Variants in NLRP7 observed in about 807,000 individuals in gnomAD.
NLRP7 encodes the protein NLR family pyrin domain containing 7, also known as NACHT, LRR and PYD domains-containing protein 7.
In NLRP7, 72 loss-of-function variants were observed where a neutral mutation model predicts 85.5. The ratio of observed to expected loss-of-function variants is 0.84; its 90% CI spans 0.70 to 1.02. The LOEUF (loss-of-function observed/expected upper bound fraction) is 1.02, where lower values mean the gene tolerates loss of function less well. Ranked by LOEUF, NLRP7 falls within the 50% of genes least tolerant of loss-of-function variation. The pLI is 0.00. For missense variants in NLRP7, 1,243 were observed against 1,219.5 expected (o/e 1.02, Z -0.29); for synonymous variants, 550 against 505.2 (o/e 1.09, Z -1.19).
At chr19:54,944,525 T>C (rs774286539) in intron 1 of NLRP7, among the ~76,000 whole-genome samples, 27 of 151,984 alleles carry the variant, frequency 1.8e-4, no homozygotes, top group Non-Finnish European at 4.4e-5. Context: ...CTGAAGGAAC[T>C]CAGAGACCCG....
upstream of NLRP7, among the ~76,000 whole-genome samples, chr19:54,951,116 GGGGTAA>G (rs1324421441): frequency 1.3e-5 from 2 of 152,178 alleles, no homozygotes; most frequent in African/African-American, 4.8e-5. Context: ...CACAGGGTTG[GGGGTAA>G]GGTCATAGAT....
chr19:54,935,453 T>C (rs2068871436), intron 6 of NLRP7, among the ~76,000 whole-genome samples: 1 of 152,036 alleles, frequency 6.6e-6, no homozygotes, highest in Admixed American at 6.6e-5. Flanking sequence ...CCTAGCACTT[T>C]GGGAGGCCGA....
intron 1 of NLRP7, among the ~76,000 whole-genome samples, chr19:54,959,731 A>G (rs895072175): frequency 2.0e-5 from 3 of 151,492 alleles, no homozygotes; most frequent in East Asian, 2.0e-4. Context: ...TAGTGCTTGG[A>G]AAAAAAAATT....
chr19:54,948,126 G>A (rs1010624562), upstream of NLRP7, among the ~76,000 whole-genome samples: 1 of 152,184 alleles, frequency 6.6e-6, no homozygotes, highest in Admixed American at 6.6e-5. Context: ...GCTCATGCCT[G>A]TAGTCCCAGC....
intron 1 of NLRP7, among the ~76,000 whole-genome samples, chr19:54,955,361 TTTC>T (rs2069818713): frequency 6.6e-6 from 1 of 151,824 alleles, no homozygotes; most frequent in Admixed American, 6.6e-5. Flanking sequence ...TTGGAATAAT[TTTC>T]TTCTTTAGGA....
chr19:54,925,730 G>A (rs909217887), intron 9 of NLRP7, among the ~76,000 whole-genome samples: 5 of 152,166 alleles, frequency 3.3e-5, no homozygotes, highest in Admixed American at 1.3e-4. Context: ...CGGGCGCGGT[G>A]GCTCACGCCT....
At position 54,944,534 on chromosome 19, in the gene NLRP7, C is replaced by T. The variant is rs557223059; in HGVS notation, c.-39-2784G>A. On this transcript the variant is annotated intron_variant, in intron 1 of 9. Coordinates refer to ENST00000340844, the Ensembl canonical transcript of NLRP7. Reference sequence around the variant, plus strand: ...TAAATACTGAAGGAACTCAGAGACCCGGCCGGCGCGGGTCTCCTGAGCCCA... The same window carrying T: ...TAAATACTGAAGGAACTCAGAGACCTGGCCGGCGCGGGTCTCCTGAGCCCA... Among the ~76,000 whole-genome samples, 24 of 151,706 alleles carry T rather than the reference C, an allele frequency of 1.6e-4. 1 individual carries two copies. In the South Asian group the frequency reaches 4.0e-3, roughly 25 times the overall value.
In NLRP7 at chr19:54,934,490, A is replaced by G; in HGVS notation, c.2470T>C (p.Ser824Pro). The G allele has an allele frequency of 1.2e-6, 2 of 1,614,120 alleles. No homozygotes were observed. Among genetic ancestry groups the G allele is most frequent in the Non-Finnish European group, 1.7e-6 (2 of 1,179,982 alleles). The change falls in exon 7 of 10, where the codon TCG (serine) becomes CCG (proline). Residue 824 changes from serine (S) to proline (P), a missense_variant and splice_region_variant. Ser to Pro is a moderately conservative substitution (Grantham distance 74, BLOSUM62 -1). Coordinates refer to ENST00000340844, the Ensembl canonical transcript of NLRP7. The surrounding 1 kb of genome is among the most constrained non-coding windows in gnomAD (Gnocchi z 6.7). ...TGCCCATGGGAAGAGGAGACTTACG[A>G]CAACATCTGCAGGAAGTGTTTTGGG... is the stretch of plus-strand genomic sequence containing the variant.
At chr19:54,959,345 G>T (rs1168214308) in intron 1 of NLRP7, among the ~76,000 whole-genome samples, 1 of 150,174 alleles carries the variant, frequency 6.7e-6, no homozygotes, top group Non-Finnish European at 1.5e-5. Flanking sequence ...CACCATGTTG[G>T]CCAGGCTGGT....
intron 1 of NLRP7, among the ~76,000 whole-genome samples, chr19:54,943,613 G>A (rs191121770): frequency 3.5e-5 from 5 of 143,736 alleles, no homozygotes; most frequent in East Asian, 2.0e-4. Context: ...TTGGGGGGGC[G>A]GGGGGAAGAG....
intron 9 of NLRP7, among the ~76,000 whole-genome samples, chr19:54,929,772 G>A (rs999168751): frequency 1.3e-5 from 2 of 152,074 alleles, no homozygotes; most frequent in Non-Finnish European, 2.9e-5. Context: ...TTTCTGGAGG[G>A]GTTTGATCTT....
intron 9 of NLRP7, among the ~76,000 whole-genome samples, chr19:54,925,143 C>A (rs45512197): frequency 6.6e-6 from 1 of 152,136 alleles, no homozygotes; most frequent in Non-Finnish European, 1.5e-5. Context: ...TGGCCTCAAA[C>A]AATCCTCCCA....
At chr19:54,935,074 G>A (rs936393541) in intron 6 of NLRP7, among the ~76,000 whole-genome samples, 2 of 152,032 alleles carry the variant, frequency 1.3e-5, no homozygotes, top group African/African-American at 4.8e-5. Context: ...CTCCAACCCT[G>A]GCCTGAATTA....
chr19:54,959,641 C>T (rs964921832), intron 1 of NLRP7, among the ~76,000 whole-genome samples: 4 of 151,568 alleles, frequency 2.6e-5, no homozygotes, highest in African/African-American at 9.7e-5. Context: ...AGCAAGACCC[C>T]CATTTCCAAT....
chr19:54,960,025 C>T (rs2069986424), intron 1 of NLRP7, among the ~76,000 whole-genome samples: 2 of 151,982 alleles, frequency 1.3e-5, no homozygotes, highest in South Asian at 4.2e-4. Context: ...ATCAGTTCAT[C>T]CGATACTCTG....
At chr19:54,954,402 C>T (rs903803180) in intron 1 of NLRP7, among the ~76,000 whole-genome samples, 5 of 147,032 alleles carry the variant, frequency 3.4e-5, no homozygotes, top group South Asian at 2.1e-4. Flanking sequence ...CGGTGGCGGG[C>T]GCCTGTAGTC....
At chr19:54,958,408 G>A (rs2069927464) in intron 1 of NLRP7, among the ~76,000 whole-genome samples, 1 of 150,188 alleles carries the variant, frequency 6.7e-6, no homozygotes, top group Admixed American at 6.6e-5. Flanking sequence ...TTGGGACGCC[G>A]AGGTGGGCGA....
chr19:54,934,954 A>C lies in NLRP7; in HGVS notation c.2301-295T>G, dbSNP rs185113067. 8.5e-5 allele frequency among the ~76,000 whole-genome samples: 13 copies of C among 152,138 alleles called. No individual in the cohort carries two copies. The highest frequency in any genetic ancestry group is 2.2e-4 in the African/African-American group (9 of 41,506). On this transcript the variant is annotated intron_variant, in intron 6 of 9. Transcript: ENST00000340844. The surrounding 1 kb of genome is among the most constrained non-coding windows in gnomAD (Gnocchi z 6.7). ...TCAGGTGATCCACCCACCTTGGCCT[A>C]CCGAAGTACTGGGATTACAGGTGTG...
At chr19:54,951,820 T>C (rs1288875211), upstream of NLRP7, among the ~76,000 whole-genome samples, 2 of 151,730 alleles carry the variant, frequency 1.3e-5, no homozygotes, top group African/African-American at 4.8e-5. Context: ...GCGCAATCTC[T>C]GCTCACTGCA....
Sources: allele counts gnomAD v4.1 joint callset (sites outside exome capture counted in the v4.1 genomes callset), GRCh38; gene constraint gnomAD v4.1.1; non-coding constraint Gnocchi (gnomAD v3.1); transcripts MANE v1.5; gene names NCBI Gene and HGNC (gene_info 2026-07-23, HGNC 2026-07-21).